PDE3A: variants seen among roughly 807,000 people sequenced by gnomAD.
PDE3A encodes cGMP-inhibited 3',5'-cyclic phosphodiesterase 3A.
A neutral mutation model predicts 98.3 loss-of-function variants in PDE3A; 43 were observed. The ratio of observed to expected loss-of-function variants is 0.44; its 90% CI spans 0.34 to 0.56. The LOEUF (loss-of-function observed/expected upper bound fraction) is 0.56. Among genes scored for constraint, PDE3A ranks in the 20% least tolerant of loss-of-function variants. The pLI is 0.01. For missense variants in PDE3A, 1,427 were observed against 1,440.7 expected, an observed-to-expected ratio of 0.99 and a Z score of 0.15; for synonymous variants, 663 against 567.9, an observed-to-expected ratio of 1.17 and a Z score of -2.38.
intron 2 of PDE3A, among the ~76,000 whole-genome samples, chr12:20,569,456 A>G: frequency 6.6e-6 from 1 of 152,126 alleles, no homozygotes; most frequent in East Asian, 1.9e-4. Flanking sequence ...ATAACCTTGT[A>G]AGGAGTGTCC....
intron 1 of PDE3A, among the ~76,000 whole-genome samples, chr12:20,480,771 C>A (rs966667851): frequency 6.6e-6 from 1 of 152,152 alleles, no homozygotes; most frequent in Non-Finnish European, 1.5e-5. Flanking sequence ...TTATGAATAA[C>A]TTTTTCCACT....
At chr12:20,462,352 C>A (rs563082458) in intron 1 of PDE3A, among the ~76,000 whole-genome samples, 1 of 152,168 alleles carries the variant, frequency 6.6e-6, no homozygotes, top group African/African-American at 2.4e-5. Context: ...TCAGCTGGGC[C>A]TGGTGGCTTG....
At chr12:20,625,042 C>G (rs1944228540) in intron 5 of PDE3A, among the ~76,000 whole-genome samples, 1 of 152,174 alleles carries the variant, frequency 6.6e-6, no homozygotes, top group African/African-American at 2.4e-5. Flanking sequence ...AAGAGGCATA[C>G]AGAAAGATAA....
chr12:20,391,713 G>T (rs1421057912), intron 1 of PDE3A, among the ~76,000 whole-genome samples: 1 of 151,616 alleles, frequency 6.6e-6, no homozygotes, highest in Admixed American at 6.6e-5. Context: ...TCATTGTTAA[G>T]CTTTTGCCTA....
At position 20,680,050 on chromosome 12, in the gene PDE3A, A is replaced by G. The variant is rs1339912028; in HGVS notation, c.3205A>G (p.Arg1069Gly). 6.2e-7 allele frequency: 1 copy of G among 1,600,646 alleles called. No homozygotes were observed. The highest frequency in any genetic ancestry group is 1.3e-5 in the African/African-American group (1 of 74,642). ...ESPKKKTFKRRKIYCQITQHL... is the reference protein window; with the variant it reads ...ESPKKKTFKRGKIYCQITQHL... ...TTTAGAAAAGAAGACTTTCAAAAGGAGAAAAATCTACTGCCAAATAACTCA... is the reference window on the plus strand; with the variant it reads ...TTTAGAAAAGAAGACTTTCAAAAGGGGAAAAATCTACTGCCAAATAACTCA... Residue 1069 changes from arginine to glycine, a missense_variant, in exon 16 of 16, where the codon AGA (arginine) becomes GGA (glycine). Physicochemically the swap from Arg to Gly is moderately radical, Grantham distance 125. Transcript: ENST00000359062.
chr12:20,624,351 T>C (rs1488128090), intron 5 of PDE3A, among the ~76,000 whole-genome samples: 1 of 152,116 alleles, frequency 6.6e-6, no homozygotes, highest in Non-Finnish European at 1.5e-5. Flanking sequence ...AGCTGAAAAT[T>C]ATGGTTAGGG....
intron 3 of PDE3A, 23 bp downstream of exon 3, chr12:20,613,723 T>G (rs749619168): frequency 1.0e-5 from 16 of 1,594,592 alleles, no homozygotes; most frequent in Non-Finnish European, 1.2e-5. Context: ...GACATACCCC[T>G]TAAAGGGTTA....
At chr12:20,541,313 G>A (rs185229563) in intron 1 of PDE3A, among the ~76,000 whole-genome samples, 12 of 151,802 alleles carry the variant, frequency 7.9e-5, no homozygotes, top group Non-Finnish European at 1.5e-4. Flanking sequence ...TGTTGCCCAG[G>A]ATTGTCTCAA....
chr12:20,481,090 AATG>A (rs1945615800), intron 1 of PDE3A, among the ~76,000 whole-genome samples: 3 of 152,258 alleles, frequency 2.0e-5, no homozygotes, highest in East Asian at 3.9e-4. Flanking sequence ...AGCCAAAAAT[AATG>A]TTGTTGTTTC....
chr12:20,678,904 G>C (rs575296443), intron 15 of PDE3A, among the ~76,000 whole-genome samples: 3 of 152,152 alleles, frequency 2.0e-5, no homozygotes, highest in Admixed American at 2.0e-4. Context: ...TTGAAGGAAG[G>C]GGGAAAAGTT....
chr12:20,475,024 C>T (rs187545914), intron 1 of PDE3A, among the ~76,000 whole-genome samples: 127 of 152,044 alleles, frequency 8.4e-4, no homozygotes, highest in African/African-American at 3.0e-3. Context: ...TCTTCAGAGG[C>T]CAGATTAGCC....
chr12:20,679,600 T>C (rs899701886), intron 15 of PDE3A, among the ~76,000 whole-genome samples: 2 of 152,116 alleles, frequency 1.3e-5, no homozygotes, highest in African/African-American at 2.4e-5. Flanking sequence ...CAAAACCATC[T>C]TTAAATATAT....
intron 1 of PDE3A, among the ~76,000 whole-genome samples, chr12:20,399,550 T>C (rs1012629481): frequency 6.6e-6 from 1 of 152,216 alleles, no homozygotes; most frequent in Non-Finnish European, 1.5e-5. Context: ...TTTTATTGCT[T>C]GGCTTGTCTT....
In PDE3A at chr12:20,371,721, AAG is replaced by A. The variant is rs557223415; in HGVS notation, c.960+1480_960+1481del. Among the ~76,000 whole-genome samples the A allele has an allele frequency of 2.0e-4, 30 of 152,278 alleles. 1 individual carries two copies. The South Asian group carries it at 6.0e-3, about 31-fold the overall frequency. ...TGTTTCTTGTCTTTAAGCTTACTCT[AAG>A]AGTGGAGGGGAAAACAGGCCACTGA... On this transcript the variant is annotated intron_variant, in intron 1 of 15. Coordinates refer to ENST00000359062, the MANE Select transcript of PDE3A (RefSeq NM_000921.5).
intron 1 of PDE3A, among the ~76,000 whole-genome samples, chr12:20,479,215 C>T (rs887193940): frequency 1.3e-5 from 2 of 152,154 alleles, no homozygotes; most frequent in African/African-American, 4.8e-5. Context: ...GGTTAATAGA[C>T]ATTGAAAAAC....
intron 5 of PDE3A, 47 bp downstream of exon 5, chr12:20,621,458 C>T: frequency 1.0e-6 from 1 of 976,614 alleles, no homozygotes; most frequent in East Asian, 2.4e-5. Context: ...GTGTGGAGTT[C>T]TAGAGTAAAC....
intron 1 of PDE3A, among the ~76,000 whole-genome samples, chr12:20,425,948 T>C (rs1944595219): frequency 6.6e-6 from 1 of 152,218 alleles, no homozygotes; most frequent in South Asian, 2.1e-4. Context: ...TAAATGTGTA[T>C]GACACCTATT....
At chr12:20,561,300 A>G (rs1232664869) in intron 2 of PDE3A, among the ~76,000 whole-genome samples, 1 of 152,182 alleles carries the variant, frequency 6.6e-6, no homozygotes, top group Non-Finnish European at 1.5e-5. Context: ...AAGAAAAAAT[A>G]AGAACAGATA....
intron 1 of PDE3A, among the ~76,000 whole-genome samples, chr12:20,452,289 G>C (rs1469402736): frequency 6.6e-6 from 1 of 152,170 alleles, no homozygotes; most frequent in African/African-American, 2.4e-5. Flanking sequence ...CATACCTAAT[G>C]AGTGTAAGTG....
Sources: gnomAD v4.1 joint callset for allele counts (sites outside exome capture counted in the v4.1 genomes callset) on GRCh38, gnomAD v4.1.1 for gene constraint, MANE v1.5 for transcripts, NCBI Gene and HGNC (gene_info 2026-07-23, HGNC 2026-07-21) for gene names.